Variants in EYS observed in about 807,000 individuals in gnomAD.
EYS encodes protein eyes shut homolog.
Under a neutral mutation model 282.1 loss-of-function variants are expected in EYS, and 250 were observed. That is an observed-to-expected ratio of 0.89 (90% CI 0.80 to 0.98). EYS has a LOEUF of 0.98. Ranked by LOEUF, EYS falls within the 50% of genes least tolerant of loss-of-function variation. The probability of loss-of-function intolerance (pLI) is 0.00; values close to 1 mark genes in which losing one functional copy is unlikely to be tolerated. For missense variants in EYS, 4,016 were observed against 3,709.0 expected, an observed-to-expected ratio of 1.08 and a Z score of -2.15; for synonymous variants, 1,355 against 1,282.9, an observed-to-expected ratio of 1.06 and a Z score of -1.20.
intron 13 of EYS, among the ~76,000 whole-genome samples, chr6:65,035,791 C>T (rs966637029): frequency 2.6e-5 from 4 of 151,398 alleles, no homozygotes; most frequent in Non-Finnish European, 5.9e-5. Context: ...GTCAAACTAG[C>T]GATGACATTT....
intron 13 of EYS, among the ~76,000 whole-genome samples, chr6:65,029,040 T>A (rs577317893): frequency 7.2e-5 from 11 of 152,276 alleles, no homozygotes; most frequent in African/African-American, 2.6e-4. Context: ...ACTGCTGAAA[T>A]TTCCTCCTAC....
intron 22 of EYS, among the ~76,000 whole-genome samples, chr6:64,692,710 C>T (rs906750330): frequency 6.6e-6 from 1 of 152,150 alleles, no homozygotes; most frequent in Non-Finnish European, 1.5e-5. Flanking sequence ...CTACATATGG[C>T]TATCCAGTTA....
chr6:65,225,188 A>G (rs568200550), intron 12 of EYS, among the ~76,000 whole-genome samples: 74 of 151,404 alleles, frequency 4.9e-4, no homozygotes, highest in African/African-American at 1.8e-3. Context: ...TAATATATAG[A>G]AAAATACAGA....
At chr6:65,633,349 AAAAGCTC>A (rs1248715792) in intron 2 of EYS, among the ~76,000 whole-genome samples, 1 of 152,228 alleles carries the variant, frequency 6.6e-6, no homozygotes, top group African/African-American at 2.4e-5. Flanking sequence ...AAGAGGAAAG[AAAAGCTC>A]AATGTATTTT....
intron 26 of EYS, among the ~76,000 whole-genome samples, chr6:64,531,333 G>A (rs553744854): frequency 3.3e-5 from 5 of 151,460 alleles, no homozygotes; most frequent in Non-Finnish European, 7.4e-5. Flanking sequence ...TTTGTAGTAC[G>A]CCTGGGATAT....
chr6:64,145,837 CTTA>C (rs1774501316), intron 31 of EYS, among the ~76,000 whole-genome samples: 2 of 152,078 alleles, frequency 1.3e-5, no homozygotes, highest in South Asian at 4.1e-4. Flanking sequence ...CCAATAATGA[CTTA>C]TTAATAGCCA....
intron 24 of EYS, among the ~76,000 whole-genome samples, chr6:64,617,026 T>TA (rs1467813806): frequency 6.6e-6 from 1 of 152,040 alleles, no homozygotes; most frequent in Non-Finnish European, 1.5e-5. Context: ...GGACATACAA[T>TA]ATGCTGAGCC....
At chr6:65,335,370 C>T (rs1012440261) in intron 10 of EYS, among the ~76,000 whole-genome samples, 8 of 151,684 alleles carry the variant, frequency 5.3e-5, no homozygotes, top group South Asian at 2.1e-4. Flanking sequence ...TGCTAAACTC[C>T]GTAATAGGAG....
At chr6:64,547,320 G>C (rs1294699334) in intron 26 of EYS, among the ~76,000 whole-genome samples, 1 of 152,070 alleles carries the variant, frequency 6.6e-6, no homozygotes, top group Non-Finnish European at 1.5e-5. Flanking sequence ...TTTACAGAGA[G>C]CCGACTGCTC....
chr6:65,315,445 A>G (rs545584853), intron 11 of EYS, among the ~76,000 whole-genome samples: 1 of 152,108 alleles, frequency 6.6e-6, no homozygotes, highest in Admixed American at 6.5e-5. Context: ...CCTCCCCATC[A>G]CTACTCCCTT....
chr6:64,968,484 T>C (rs1374055141), intron 14 of EYS, among the ~76,000 whole-genome samples: 1 of 152,232 alleles, frequency 6.6e-6, no homozygotes, highest in Non-Finnish European at 1.5e-5. Flanking sequence ...AAAACCTTTG[T>C]ATATTCACTC....
chr6:64,551,870 T>C (rs1291220210), intron 26 of EYS, among the ~76,000 whole-genome samples: 1 of 152,212 alleles, frequency 6.6e-6, no homozygotes, highest in African/African-American at 2.4e-5. Context: ...CAGCACCTGT[T>C]GTTTCCTGAC....
intron 31 of EYS, 86 bp downstream of exon 31, chr6:64,230,506 C>T (rs1365982045): frequency 2.3e-6 from 2 of 884,724 alleles, no homozygotes; most frequent in East Asian, 2.7e-5. Flanking sequence ...GTACCCATCA[C>T]TAAGTTTACA....
At chr6:63,839,394 A>G (rs1771890993) in intron 36 of EYS, among the ~76,000 whole-genome samples, 1 of 152,184 alleles carries the variant, frequency 6.6e-6, no homozygotes, top group African/African-American at 2.4e-5. Flanking sequence ...GACAGAATTA[A>G]TTTCTCTTTC....
In EYS at chr6:64,420,685, T is replaced by C. The variant is rs879297298; in HGVS notation, c.5927+15489A>G. Among the ~76,000 whole-genome samples the C allele has an allele frequency of 4.5e-4, 68 of 152,280 alleles. 1 individual carries two copies. Among genetic ancestry groups the C allele is most frequent in the Non-Finnish European group, 8.5e-4 (58 of 68,016 alleles). ...AATGCCTTGCCACTTAGAAATTTCT[T>C]CTGCCAGATACCCTAAATCATCTCT... On this transcript the variant is annotated intron_variant, in intron 28 of 42. Transcript: ENST00000503581.
intron 35 of EYS, among the ~76,000 whole-genome samples, chr6:63,908,998 G>A (rs2149736671): frequency 6.6e-6 from 1 of 152,168 alleles, no homozygotes; most frequent in Non-Finnish European, 1.5e-5. Context: ...CAGAATACAA[G>A]ATGTGAACAC....
intron 30 of EYS, among the ~76,000 whole-genome samples, chr6:64,236,086 CA>C (rs1766596804): frequency 6.6e-6 from 1 of 152,170 alleles, no homozygotes; most frequent in Non-Finnish European, 1.5e-5. Flanking sequence ...AAAATACTGG[CA>C]AATCGAATCC....
At chr6:64,013,471 C>T (rs116632852) in intron 33 of EYS, among the ~76,000 whole-genome samples, 132 of 152,274 alleles carry the variant, frequency 8.7e-4, no homozygotes, top group African/African-American at 3.1e-3. Context: ...CCATTTCTAA[C>T]CTCTCTGAAC....
intron 12 of EYS, among the ~76,000 whole-genome samples, chr6:65,128,978 G>C (rs1201232793): frequency 6.6e-6 from 1 of 151,840 alleles, no homozygotes; most frequent in Non-Finnish European, 1.5e-5. Context: ...TAGACCAATG[G>C]AACAGAATAA....
Sources: allele counts gnomAD v4.1 joint callset (sites outside exome capture counted in the v4.1 genomes callset), GRCh38; gene constraint gnomAD v4.1.1; transcripts MANE v1.5; gene names NCBI Gene and HGNC (gene_info 2026-07-23, HGNC 2026-07-21).